WWOX: variants seen among roughly 807,000 people sequenced by gnomAD.
WWOX encodes the protein WW domain-containing oxidoreductase.
A neutral mutation model predicts 46.2 loss-of-function variants in WWOX; 69 were observed. The ratio of observed to expected loss-of-function variants is 1.49; its 90% CI spans 1.23 to 1.82. The LOEUF is 1.82. WWOX is among the 40% of genes most tolerant of loss of function. WWOX has a pLI of 0.00. For missense variants in WWOX, 919 were observed against 542.6 expected (o/e 1.69, Z -6.89); for synonymous variants, 359 against 202.6 (o/e 1.77, Z -6.56).
chr16:78,872,651 T>G (rs1442162322), intron 8 of WWOX: 3 of 152,174 alleles, frequency 2.0e-5, no homozygotes, highest in African/African-American at 7.2e-5. Flanking sequence ...TTACCTCACA[T>G]TTGCTTGCAG....
At chr16:78,280,090 C>A (rs1478390098) in intron 5 of WWOX, among the ~76,000 whole-genome samples, 2 of 152,242 alleles carry the variant, frequency 1.3e-5, no homozygotes, top group East Asian at 3.8e-4. Flanking sequence ...GCAGTTACAG[C>A]TAATCATGGC....
intron 8 of WWOX, among the ~76,000 whole-genome samples, chr16:79,187,283 T>C (rs2051035469): frequency 6.6e-6 from 1 of 152,170 alleles, no homozygotes; most frequent in African/African-American, 2.4e-5. Flanking sequence ...TCTATAGTGG[T>C]TATTATTACT....
intron 8 of WWOX, among the ~76,000 whole-genome samples, chr16:78,707,065 C>A (rs2048342196): frequency 6.6e-6 from 1 of 152,176 alleles, no homozygotes; most frequent in African/African-American, 2.4e-5. Flanking sequence ...AACGTATTCC[C>A]CTTCAAGGAC....
At chr16:78,627,639 A>G (rs1434746462) in intron 8 of WWOX, among the ~76,000 whole-genome samples, 3 of 152,242 alleles carry the variant, frequency 2.0e-5, no homozygotes, top group Non-Finnish European at 2.9e-5. Flanking sequence ...CAAAGAATGA[A>G]TGTGGACTGG....
chr16:78,636,786 G>C (rs1054524244), intron 8 of WWOX, among the ~76,000 whole-genome samples: 3 of 152,158 alleles, frequency 2.0e-5, no homozygotes, highest in African/African-American at 7.2e-5. Context: ...GCTTCTGGAA[G>C]GGAGGCAAGA....
intron 1 of WWOX, among the ~76,000 whole-genome samples, chr16:78,107,431 G>A (rs1172343731): frequency 6.6e-6 from 1 of 152,174 alleles, no homozygotes; most frequent in African/African-American, 2.4e-5. Flanking sequence ...CTTTTTGTAT[G>A]CCAAGTGCTA....
chr16:78,559,892 G>T (rs1201165623), intron 8 of WWOX, among the ~76,000 whole-genome samples: 5 of 152,144 alleles, frequency 3.3e-5, no homozygotes, highest in Non-Finnish European at 1.5e-5. Flanking sequence ...CTCAATTTAT[G>T]ACTTGGCTTA....
At chr16:78,834,900 G>T (rs76899612) in intron 8 of WWOX, among the ~76,000 whole-genome samples, 12 of 152,062 alleles carry the variant, frequency 7.9e-5, no homozygotes, top group Non-Finnish European at 1.6e-4. Context: ...ATAATCATGC[G>T]TACCACCTTA....
At chr16:78,226,468 T>C (rs2037059272) in intron 5 of WWOX, among the ~76,000 whole-genome samples, 1 of 149,438 alleles carries the variant, frequency 6.7e-6, no homozygotes, top group African/African-American at 2.5e-5. Flanking sequence ...TGTCCTGTCC[T>C]GTCCTGTCCT....
chr16:79,120,674 A>G (rs1271526655), intron 8 of WWOX, among the ~76,000 whole-genome samples: 4 of 152,288 alleles, frequency 2.6e-5, no homozygotes, highest in Non-Finnish European at 4.4e-5. Context: ...CGCGGTAAGC[A>G]TTCCTTAACT....
intron 8 of WWOX, among the ~76,000 whole-genome samples, chr16:78,575,090 T>A (rs2044843176): frequency 5.8e-5 from 3 of 52,164 alleles, no homozygotes; most frequent in Non-Finnish European, 7.6e-5. Context: ...TATATATATA[T>A]ATATATTTAA....
At chr16:79,147,426 G>A (rs545410958) in intron 8 of WWOX, among the ~76,000 whole-genome samples, 14 of 152,126 alleles carry the variant, frequency 9.2e-5, no homozygotes, top group African/African-American at 2.2e-4. Flanking sequence ...TGCACGTGTC[G>A]GTAGCTTGTT....
At chr16:78,733,971 G>T (rs1038420718) in intron 8 of WWOX, among the ~76,000 whole-genome samples, 2 of 150,160 alleles carry the variant, frequency 1.3e-5, no homozygotes, top group Non-Finnish European at 3.0e-5. Context: ...GAGGCGGGAG[G>T]ATCCTCTGCA....
chr16:78,344,001 G>C (rs13338641), intron 5 of WWOX, among the ~76,000 whole-genome samples: 3 of 117,620 alleles, frequency 2.6e-5, no homozygotes, highest in Admixed American at 2.5e-4. Context: ...CCCTCATGCC[G>C]GCTCCTTCCT....
At chr16:78,425,863 G>T (rs1411247405) in intron 7 of WWOX, among the ~76,000 whole-genome samples, 1 of 152,058 alleles carries the variant, frequency 6.6e-6, no homozygotes, top group Non-Finnish European at 1.5e-5. Context: ...CGTGCAAGGG[G>T]CCTATTTTTT....
chr16:78,843,485 A>G (rs936549640), intron 8 of WWOX, among the ~76,000 whole-genome samples: 1 of 150,184 alleles, frequency 6.7e-6, no homozygotes, highest in Non-Finnish European at 1.5e-5. Flanking sequence ...AGCTTTGGGC[A>G]TTAGCACCCT....
rs183536704 is a variant in WWOX at position 78,421,255 on chromosome 16, C to T, written c.606-3615C>T. 1.3e-3 allele frequency among the ~76,000 whole-genome samples: 204 copies of T among 152,274 alleles called. 1 individual carries two copies. The highest frequency in any genetic ancestry group is 4.5e-3 in the African/African-American group (185 of 41,544). The stretch of plus-strand genomic sequence containing the variant: ...ACATCTGAAATCAAGTGGTTTGCAG[C>T]GTTGGCTCCTTCTGGAGGCTGGAAG... On this transcript the variant is annotated intron_variant, in intron 6 of 8. Transcript: ENST00000566780.
intron 8 of WWOX, among the ~76,000 whole-genome samples, chr16:79,150,468 A>G (rs2050257231): frequency 6.6e-6 from 1 of 152,158 alleles, no homozygotes; most frequent in Non-Finnish European, 1.5e-5. Flanking sequence ...ATGGTGCTAA[A>G]TCTATGTCCC....
chr16:78,472,067 T>C (rs1249158779), intron 8 of WWOX, among the ~76,000 whole-genome samples: 2 of 152,184 alleles, frequency 1.3e-5, no homozygotes, highest in African/African-American at 2.4e-5. Context: ...GCCCACACAT[T>C]TTTTCTTAGG....
Sources: allele counts gnomAD v4.1 joint callset (sites outside exome capture counted in the v4.1 genomes callset), GRCh38; gene constraint gnomAD v4.1.1; transcripts MANE v1.5; gene names NCBI Gene and HGNC (gene_info 2026-07-23, HGNC 2026-07-21).